FAM178B: variants seen among roughly 807,000 people sequenced by gnomAD.
FAM178B encodes the protein family with sequence similarity 178 member B.
FAM178B carries 82 observed loss-of-function variants against 91.7 expected under a neutral mutation model. The observed-to-expected ratio is 0.89, with a 90% CI of 0.75 to 1.07. The LOEUF is 1.07. Among genes scored for constraint, FAM178B ranks in the 50% least tolerant of loss-of-function variants. The pLI is 0.00. For synonymous variants in FAM178B, 368 were observed against 359.4 expected (o/e 1.02, Z -0.27); for missense variants, 769 against 846.7 (o/e 0.91, Z 1.14).
chr2:96,911,940 A>G (rs779157982), intron 12 of FAM178B, among the ~76,000 whole-genome samples: 3 of 152,152 alleles, frequency 2.0e-5, no homozygotes, highest in Non-Finnish European at 4.4e-5. Flanking sequence ...TCAGCAGCAA[A>G]GTCTGGCCAC....
Position 96,936,252 on chromosome 2 carries a change from G to A in FAM178B, c.1079-6932C>T, listed in dbSNP as rs565074481. On this transcript the variant is annotated intron_variant, in intron 8 of 16. Transcript: ENST00000490605. The stretch of plus-strand genomic sequence containing the variant: ...AGTCTCGCTCTGTTGCCCAGGCTGG[G>A]GTGCAGTGGCATGATCTCTGCTCAC... Among the ~76,000 whole-genome samples the A allele has an allele frequency of 1.2e-3, 185 of 151,252 alleles. 1 individual carries two copies. The highest frequency in any genetic ancestry group is 3.4e-3 in the Middle Eastern group (1 of 292).
chr2:96,952,151 TTCCTCCAGC>T (rs2081938283), intron 6 of FAM178B, among the ~76,000 whole-genome samples: 1 of 152,018 alleles, frequency 6.6e-6, no homozygotes, highest in Non-Finnish European at 1.5e-5. Context: ...TAGCCTCGGG[TTCCTCCAGC>T]TGCAAGGGGC....
intron 12 of FAM178B, among the ~76,000 whole-genome samples, chr2:96,913,487 C>T (rs915951215): frequency 2.0e-5 from 3 of 152,148 alleles, no homozygotes; most frequent in Non-Finnish European, 2.9e-5. Context: ...GTGGGGCCCT[C>T]TGGCCCCACA....
chr2:96,929,092 A>T (rs755790846), intron 9 of FAM178B, 114 bp downstream of exon 9: 34 of 741,068 alleles, frequency 4.6e-5, no homozygotes, highest in Middle Eastern at 7.4e-4. Flanking sequence ...TGGGAGGTGG[A>T]GGCCGCAGTG....
chr2:96,902,708 C>CT lies in FAM178B; in HGVS notation c.1563-2dup. On this transcript the variant is annotated splice_acceptor_variant, in intron 12 of 16. Coordinates refer to ENST00000490605, the MANE Select transcript of FAM178B (RefSeq NM_001122646.3). LOFTEE classifies it high-confidence loss of function. ...AAGGCTGAGCTGGCTTCGAAGCCGC[C>CT]TGGGGGAAAAGCGACAGCCTGAGAG... The CT allele has an allele frequency of 6.5e-7, 1 of 1,549,926 alleles. No individual in the cohort carries two copies. The highest frequency in any genetic ancestry group is 1.2e-5 in the South Asian group (1 of 84,052).
chr2:96,962,811 C>T (rs1251785283), intron 5 of FAM178B, among the ~76,000 whole-genome samples: 8 of 152,178 alleles, frequency 5.3e-5, no homozygotes, highest in East Asian at 1.9e-4. Context: ...CTTTCTGTGA[C>T]GGGCAGTTGT....
At chr2:96,922,184 C>T (rs2081352847) in intron 10 of FAM178B, among the ~76,000 whole-genome samples, 1 of 152,174 alleles carries the variant, frequency 6.6e-6, no homozygotes, top group Non-Finnish European at 1.5e-5. Flanking sequence ...GGAAGTTACC[C>T]TATATGGTCT....
In FAM178B at chr2:96,877,953, G is replaced by C. The variant is rs2080286395; in HGVS notation, c.1944C>G (p.Leu648=). The C allele has an allele frequency of 6.2e-7, 1 of 1,613,878 alleles. No homozygotes were observed. The highest frequency in any genetic ancestry group is 8.5e-7 in the Non-Finnish European group (1 of 1,180,024). The change falls in exon 16 of 17, where the codon CTC becomes CTG. Residue 648 remains leucine (L), a synonymous_variant. Transcript: ENST00000490605. ...ESPQAMHRTM[L]KDLATQTYIR... is the part of the protein sequence containing the mutation. ...TGTAGGTCTGGGTAGCCAGGTCCTT[G>C]AGCATGGTGCGGTGCATGGCCTGGG...
chr2:96,885,494 T>A (rs2080495334), intron 14 of FAM178B, among the ~76,000 whole-genome samples: 1 of 152,122 alleles, frequency 6.6e-6, no homozygotes, highest in African/African-American at 2.4e-5. Flanking sequence ...AGGGAGGGAA[T>A]GTGGAGGCCA....
Position 96,878,008 on chromosome 2 carries a change from CG to C in FAM178B, c.1888del (p.Arg630AlafsTer34), listed in dbSNP as rs749165385. 22 of 1,612,100 alleles carry C rather than the reference CG, an allele frequency of 1.4e-5. No homozygotes were observed. The African/African-American group carries it at 2.8e-4, about 21-fold the overall frequency. ...CTCCCGGATCTGCGTGCTGATGTGG[CG>C]GTCCAACTGCATGCACAGCAGCTGC... is the stretch of plus-strand genomic sequence containing the variant. ...ELQLLCMQLD[R>X]HISTQIRESP... On this transcript the variant is annotated frameshift_variant, in exon 16 of 17. Transcript: ENST00000490605. LOFTEE classifies it high-confidence loss of function.
chr2:96,929,421 C>A, intron 8 of FAM178B, 101 bp from the exon 9 acceptor site: 1 of 794,038 alleles, frequency 1.3e-6, no homozygotes, highest in Admixed American at 2.7e-5. Flanking sequence ...CCCAAGATAA[C>A]CAGTTTTTGC....
Position 96,986,365 on chromosome 2 carries a change from C to G in FAM178B, c.-52G>C, listed in dbSNP as rs966393233. On this transcript the variant is annotated 5_prime_UTR_variant, in exon 1 of 17. Coordinates refer to ENST00000490605, the MANE Select transcript of FAM178B (RefSeq NM_001122646.3). ...TGAGGGAGGGTGGCGGGAATTCGCA[C>G]GGCCTCAGAGGACGGGGCCAGCTAG... The G allele has an allele frequency of 6.6e-6, 10 of 1,523,942 alleles. No homozygotes were observed. In the East Asian group the frequency reaches 2.5e-4, roughly 38 times the overall value. 94.4% of individuals were successfully genotyped at this position (1,523,942 alleles called of 1,614,324 possible). A position where few individuals can be genotyped will look rare whatever the true frequency, so the allele number is the denominator to read the frequency against.
chr2:96,876,810 G>A (rs1410493141), intron 16 of FAM178B, among the ~76,000 whole-genome samples: 4 of 152,236 alleles, frequency 2.6e-5, no homozygotes, highest in African/African-American at 7.2e-5. Flanking sequence ...CCTCCATAGA[G>A]GACTGGGGGC....
chr2:96,876,917 G>A (rs571216420), intron 16 of FAM178B, among the ~76,000 whole-genome samples: 1 of 152,228 alleles, frequency 6.6e-6, no homozygotes, highest in South Asian at 2.1e-4. Context: ...GCTGAAGTTG[G>A]TTAGGTCAGA....
chr2:96,969,385 G>A (rs958145098), intron 4 of FAM178B, among the ~76,000 whole-genome samples: 4 of 152,174 alleles, frequency 2.6e-5, no homozygotes, highest in Non-Finnish European at 5.9e-5. Context: ...TCTCTGCCAC[G>A]TGAGGACACA....
intron 8 of FAM178B, among the ~76,000 whole-genome samples, chr2:96,933,148 CAGG>C (rs1215470455): frequency 1.3e-5 from 2 of 152,138 alleles, no homozygotes; most frequent in Non-Finnish European, 2.9e-5. Context: ...GAGGCTGAGG[CAGG>C]AGAACTGCTT....
intron 14 of FAM178B, among the ~76,000 whole-genome samples, chr2:96,887,192 G>A (rs2080546374): frequency 6.6e-6 from 1 of 151,530 alleles, no homozygotes; most frequent in Non-Finnish European, 1.5e-5. Context: ...TCCAGCCTGG[G>A]CAACACAGCG....
intron 14 of FAM178B, among the ~76,000 whole-genome samples, chr2:96,879,349 C>T (rs1178546998): frequency 6.6e-6 from 1 of 152,180 alleles, no homozygotes; most frequent in Non-Finnish European, 1.5e-5. Context: ...TCTAGAAATG[C>T]CGGCAGGTGA....
At chr2:96,961,275 G>T (rs796898516) in intron 5 of FAM178B, among the ~76,000 whole-genome samples, 2 of 152,148 alleles carry the variant, frequency 1.3e-5, no homozygotes, top group African/African-American at 4.8e-5. Flanking sequence ...TGGCAACGTG[G>T]CTGAGCCCAA....
Sources: gnomAD v4.1 joint callset for allele counts (sites outside exome capture counted in the v4.1 genomes callset) on GRCh38, gnomAD v4.1.1 for gene constraint, MANE v1.5 for transcripts, NCBI Gene and HGNC (gene_info 2026-07-23, HGNC 2026-07-21) for gene names.